The following PLCXD1 variants were observed in gnomAD, a reference collection of about 807,000 sequenced individuals.
The protein encoded by PLCXD1 is phosphatidylinositol specific phospholipase C X domain containing 1.
In PLCXD1, 45 loss-of-function variants were observed where a neutral mutation model predicts 37.8. The ratio of observed to expected loss-of-function variants is 1.19; its 90% CI spans 0.94 to 1.53. The LOEUF (loss-of-function observed/expected upper bound fraction) is 1.53. PLCXD1 is among the 40% of genes most tolerant of loss of function. PLCXD1 has a pLI of 0.00. For synonymous variants in PLCXD1, 246 were observed against 206.9 expected, an observed-to-expected ratio of 1.19 and a Z score of -1.62; for missense variants, 539 against 454.7, an observed-to-expected ratio of 1.19 and a Z score of -1.69.
chrX:293,170 G>T lies in PLCXD1; in HGVS notation c.685G>T (p.Glu229Ter). The change falls in exon 6 of 7, where the codon GAG (glutamate) becomes TAG (stop). Residue 229 changes from glutamate (E) to a stop codon, truncating the protein, a stop_gained. Transcript: ENST00000381657. LOFTEE classifies it high-confidence loss of function. ...CTGGTGGGGAAACAGGGTGAAGACCGAGGCCCTCATCCGATACCTGGAGAC... is the reference window on the plus strand; with the variant it reads ...CTGGTGGGGAAACAGGGTGAAGACCTAGGCCCTCATCCGATACCTGGAGAC... ...PYWWGNRVKT[E>*]ALIRYLETMK... is the part of the protein sequence containing the mutation. 2.5e-6 allele frequency: 4 copies of T among 1,612,778 alleles called. No individual in the cohort carries two copies. The highest frequency in any genetic ancestry group is 3.4e-6 in the Non-Finnish European group (4 of 1,179,764).
rs1188822291 is a variant in PLCXD1 at position 292,955 on chromosome X, C to T, written c.550-80C>T. On this transcript the variant is annotated intron_variant, in intron 5 of 6. Transcript: ENST00000381657. Reference sequence around the variant, plus strand: ...TTATACTCGTGTTGGGCCGGTGTCCCGACTTCCCAGCCCTCCGCTCTCCCA... The same window carrying T: ...TTATACTCGTGTTGGGCCGGTGTCCTGACTTCCCAGCCCTCCGCTCTCCCA... The T allele has an allele frequency of 8.2e-5, 83 of 1,007,078 alleles. 1 individual carries two copies. Among genetic ancestry groups the T allele is most frequent in the South Asian group, 2.4e-4 (15 of 61,336 alleles). 62.4% of individuals were successfully genotyped at this position (1,007,078 alleles called of 1,614,324 possible).
chrX:279,746 T>C (rs2069222494), upstream of PLCXD1, among the ~76,000 whole-genome samples: 1 of 149,644 alleles, frequency 6.7e-6, no homozygotes, highest in African/African-American at 2.5e-5. Context: ...TGCACACCAG[T>C]CTGCGCAACA....
At chrX:278,915 C>T (rs185567123), upstream of PLCXD1, among the ~76,000 whole-genome samples, 3 of 152,180 alleles carry the variant, frequency 2.0e-5, no homozygotes, top group Non-Finnish European at 2.9e-5. Flanking sequence ...TTCTGTCAAG[C>T]GCGTCGGTGC....
rs1397412335 is a variant in PLCXD1, at chrX:285,660, C to T, written c.127+1346C>T. 5.3e-5 allele frequency among the ~76,000 whole-genome samples: 8 copies of T among 152,044 alleles called. No homozygotes were observed. In the East Asian group the frequency reaches 7.7e-4, roughly 15 times the overall value. ...ACACGCGTGTACACACATGCACACA[C>T]GTAGACACACGTCCATGCACACAGG... On this transcript the variant is annotated intron_variant, in intron 2 of 6. Coordinates refer to ENST00000381657, the MANE Select transcript of PLCXD1 (RefSeq NM_018390.4).
At chrX:278,467 G>A (rs183896139), upstream of PLCXD1, among the ~76,000 whole-genome samples, 19 of 152,206 alleles carry the variant, frequency 1.2e-4, 1 homozygote, top group East Asian at 7.7e-4. Flanking sequence ...GGCCGGGCAC[G>A]GTGGCTCACG....
chrX:282,958 A>ATATGTATAATATATAT (rs2069319828), intron 1 of PLCXD1, among the ~76,000 whole-genome samples: 1 of 142,280 alleles, frequency 7.0e-6, no homozygotes, highest in African/African-American at 2.7e-5. Flanking sequence ...TATATATATT[A>ATATGTATAATATATAT]TATATGTATA....
At chrX:276,659 G>T (rs751767915), upstream of PLCXD1, among the ~76,000 whole-genome samples, 61 of 152,294 alleles carry the variant, frequency 4.0e-4, no homozygotes, top group Non-Finnish European at 7.8e-4. Context: ...CAGAGCCGCG[G>T]AGCCAGTGTG....
chrX:278,724 G>A (rs2069201751), upstream of PLCXD1, among the ~76,000 whole-genome samples: 2 of 127,586 alleles, frequency 1.6e-5, no homozygotes, highest in African/African-American at 5.7e-5. Flanking sequence ...GGGAGACAGA[G>A]CAAGACTCCG....
intron 6 of PLCXD1, among the ~76,000 whole-genome samples, chrX:298,799 G>T (rs1380757302): frequency 8.0e-6 from 1 of 125,020 alleles, no homozygotes; most frequent in African/African-American, 3.0e-5. Context: ...TCTATCACAT[G>T]GGGATTAGGA....
At position 284,323 on chromosome X, in the gene PLCXD1, G is replaced by A. The variant is rs2069375835; in HGVS notation, c.127+9G>A. On this transcript the variant is annotated intron_variant, in intron 2 of 6. Coordinates refer to ENST00000381657, the MANE Select transcript of PLCXD1 (RefSeq NM_018390.4). ...CCACCTCTCCATCCCAGGTGAGGTT[G>A]GGGTGGGGCAGGGGCCGTTGCCTCT... 1 of 1,612,622 alleles carries A rather than the reference G, an allele frequency of 6.2e-7. No individual in the cohort carries two copies. The highest frequency in any genetic ancestry group is 1.3e-5 in the African/African-American group (1 of 74,892).
intron 6 of PLCXD1, among the ~76,000 whole-genome samples, chrX:295,013 A>C (rs1266843156): frequency 6.6e-6 from 1 of 151,566 alleles, no homozygotes; most frequent in East Asian, 2.0e-4. Context: ...GTAAAAATAC[A>C]AAAAGATTTA....
rs148989022 is a variant in PLCXD1 at position 282,631 on chromosome X, G to C, written c.-22+947G>C. On this transcript the variant is annotated intron_variant, in intron 1 of 6. Transcript: ENST00000381657. Reference sequence around the variant, plus strand: ...GAGGCAGGAGAATTGCTTGAACCTGGGAGGCGGAGGTTGCAGTGAGCCGCG... The same window carrying C: ...GAGGCAGGAGAATTGCTTGAACCTGCGAGGCGGAGGTTGCAGTGAGCCGCG... Among the ~76,000 whole-genome samples, 848 of 151,458 alleles carry C rather than the reference G, an allele frequency of 5.6e-3. 9 individuals are homozygous for C. The highest frequency in any genetic ancestry group is 0.02 in the African/African-American group (809 of 41,296).
At chrX:285,638 C>T (rs1456223382) in intron 2 of PLCXD1, among the ~76,000 whole-genome samples, 4 of 152,120 alleles carry the variant, frequency 2.6e-5, no homozygotes, top group Admixed American at 6.6e-5. Context: ...CACATGCACA[C>T]GCGTGTACAC....
rs749906666 is a variant in PLCXD1, at chrX:299,194, T to G, written c.831T>G (p.Leu277=). 6.2e-7 allele frequency: 1 copy of G among 1,613,834 alleles called. No individual in the cohort carries two copies. The highest frequency in any genetic ancestry group is 1.3e-5 in the African/African-American group (1 of 74,994). ...TGGAGAAGATGACGCTGCCCAACCTTCCGCGGCTGAGCGCGTGGGTCCGAG... is the reference window on the plus strand; with the variant it reads ...TGGAGAAGATGACGCTGCCCAACCTGCCGCGGCTGAGCGCGTGGGTCCGAG... The part of the protein sequence containing the change: ...ESLEKMTLPN[L]PRLSAWVREQ... Residue 277 remains leucine, a synonymous_variant, in exon 7 of 7, where the codon CTT becomes CTG. Transcript: ENST00000381657.
intron 6 of PLCXD1, among the ~76,000 whole-genome samples, chrX:295,538 T>A (rs1276006362): frequency 2.0e-5 from 3 of 151,898 alleles, no homozygotes; most frequent in Admixed American, 6.6e-5. Flanking sequence ...TTTTTTTTTT[T>A]TTTGAGGTGG....
chrX:291,376 C>T, intron 4 of PLCXD1, 123 bp from the exon 5 acceptor site: 1 of 1,025,976 alleles, frequency 9.7e-7, no homozygotes, highest in Non-Finnish European at 1.5e-6. Context: ...AAACTCCTAA[C>T]CTCAGGTGAT....
rs2070065682 is a variant in PLCXD1, at chrX:303,016, T to C, written c.*3681T>C. ...AACGAGAGACATCAGTTTCTCAGGA[T>C]GATCCTCAAGAACGTTATGGAGTCC... On this transcript the variant is annotated 3_prime_UTR_variant, in exon 7 of 7. Transcript: ENST00000381657. 1 of 152,230 alleles carries C rather than the reference T, an allele frequency of 6.6e-6. No homozygotes were observed. Among genetic ancestry groups the C allele is most frequent in the Non-Finnish European group, 1.5e-5 (1 of 68,046 alleles). 9.4% of individuals were successfully genotyped at this position (152,230 alleles called of 1,614,324 possible). A position where few individuals can be genotyped will look rare whatever the true frequency, so the allele number is the denominator to read the frequency against.
chrX:293,355 T>A lies in PLCXD1; in HGVS notation c.733+137T>A, dbSNP rs2069700640. ...GGAATCCATGAGCTGGGCGTGGTAA[T>A]CCCTGTACCTGTAATCCCAGCACTT... On this transcript the variant is annotated intron_variant, in intron 6 of 6. Coordinates refer to ENST00000381657, the MANE Select transcript of PLCXD1 (RefSeq NM_018390.4). 1.0e-5 allele frequency: 7 copies of A among 684,186 alleles called. No homozygotes were observed. The East Asian group carries it at 1.9e-4, about 19-fold the overall frequency. The allele number at this position is 684,186 out of a possible 1,614,324, so 42.4% of individuals were successfully genotyped here.
chrX:292,558 G>A (rs192544945), intron 5 of PLCXD1, among the ~76,000 whole-genome samples: 23 of 152,132 alleles, frequency 1.5e-4, no homozygotes, highest in Non-Finnish European at 2.8e-4. Flanking sequence ...TCCTCCCGCC[G>A]TGTCCTCCCA....
Sources: gnomAD v4.1 joint callset for allele counts (sites outside exome capture counted in the v4.1 genomes callset) on GRCh38, gnomAD v4.1.1 for gene constraint, MANE v1.5 for transcripts, NCBI Gene and HGNC (gene_info 2026-07-23, HGNC 2026-07-21) for gene names.